Variants in LSAMP observed in about 807,000 individuals in gnomAD.
The protein encoded by LSAMP is limbic system-associated membrane protein.
A neutral mutation model predicts 38.6 loss-of-function variants in LSAMP; 7 were observed. The observed-to-expected ratio is 0.18, with a 90% CI of 0.10 to 0.34. The LOEUF is 0.34. LSAMP is among the 10% of genes least tolerant of loss of function. The pLI is 1.00. For missense variants in LSAMP, 313 were observed against 420.0 expected, an observed-to-expected ratio of 0.75 and a Z score of 2.23; for synonymous variants, 154 against 166.8, an observed-to-expected ratio of 0.92 and a Z score of 0.59.
intron 2 of LSAMP, among the ~76,000 whole-genome samples, chr3:116,081,958 A>G (rs1369295478): frequency 1.3e-5 from 2 of 152,162 alleles, no homozygotes; most frequent in Non-Finnish European, 2.9e-5. Flanking sequence ...AAAAATGACC[A>G]CTCTATTATT....
intron 1 of LSAMP, among the ~76,000 whole-genome samples, chr3:116,104,868 G>T (rs936927259): frequency 6.6e-6 from 1 of 152,188 alleles, no homozygotes; most frequent in Admixed American, 6.5e-5. Flanking sequence ...AGTTAATAAG[G>T]ATATATTGTA....
chr3:115,947,325 A>C (rs1938131323), intron 3 of LSAMP, among the ~76,000 whole-genome samples: 1 of 152,216 alleles, frequency 6.6e-6, no homozygotes, highest in African/African-American at 2.4e-5. Flanking sequence ...AGTGAAAATT[A>C]GGAGAATTAT....
intron 1 of LSAMP, among the ~76,000 whole-genome samples, chr3:116,170,653 G>A (rs1474502895): frequency 6.6e-6 from 1 of 152,074 alleles, no homozygotes; most frequent in Non-Finnish European, 1.5e-5. Context: ...AACGATTTTA[G>A]GTTGGAAGGT....
At chr3:115,898,361 T>C (rs1179954242) in intron 3 of LSAMP, among the ~76,000 whole-genome samples, 2 of 152,142 alleles carry the variant, frequency 1.3e-5, no homozygotes, top group Non-Finnish European at 2.9e-5. Flanking sequence ...AGAACTGTTT[T>C]ACAGAGTGTT....
At chr3:115,927,243 G>A (rs1159800275) in intron 3 of LSAMP, among the ~76,000 whole-genome samples, 2 of 152,180 alleles carry the variant, frequency 1.3e-5, no homozygotes, top group Non-Finnish European at 2.9e-5. Flanking sequence ...GAAAAAAGAA[G>A]ATGAGGAGAG....
At chr3:116,089,360 GT>G (rs1269236281) in intron 1 of LSAMP, among the ~76,000 whole-genome samples, 2 of 151,438 alleles carry the variant, frequency 1.3e-5, no homozygotes, top group African/African-American at 4.9e-5. Context: ...ACTTTTTTTT[GT>G]TTTGTTTTGT....
intron 2 of LSAMP, among the ~76,000 whole-genome samples, chr3:116,071,334 G>C (rs1179464718): frequency 6.8e-6 from 1 of 147,266 alleles, no homozygotes; most frequent in Non-Finnish European, 1.5e-5. Context: ...TAATCATGAG[G>C]GTTTTTTTTT....
intron 1 of LSAMP, among the ~76,000 whole-genome samples, chr3:116,299,177 G>C (rs1167313876): frequency 1.3e-5 from 2 of 152,224 alleles, no homozygotes; most frequent in African/African-American, 2.4e-5. Flanking sequence ...CCTTGAACTG[G>C]GGAATTGGGA....
In LSAMP at chr3:116,077,577, T is replaced by C. The variant is rs1707773211; in HGVS notation, c.388+8747A>G. Reference sequence around the variant, plus strand: ...ATTCACAGGTTTTAATCTTAATATCTGCCTTAAGTATTATTGCCTTCAGTA... The same window carrying C: ...ATTCACAGGTTTTAATCTTAATATCCGCCTTAAGTATTATTGCCTTCAGTA... On this transcript the variant is annotated intron_variant, in intron 2 of 6. Coordinates refer to ENST00000490035, the MANE Select transcript of LSAMP (RefSeq NM_002338.5). Among the ~76,000 whole-genome samples the C allele has an allele frequency of 2.0e-5, 3 of 152,194 alleles. No homozygotes were observed. In the South Asian group the frequency reaches 6.2e-4, roughly 31 times the overall value.
chr3:115,988,806 C>A (rs1939585375), intron 3 of LSAMP, among the ~76,000 whole-genome samples: 1 of 152,044 alleles, frequency 6.6e-6, no homozygotes, highest in Non-Finnish European at 1.5e-5. Context: ...GTTGAGATAA[C>A]AATAAAAGTG....
rs538753691 is a variant in LSAMP, at chr3:115,821,130, C to G, written c.920-10716G>C. On this transcript the variant is annotated intron_variant, in intron 6 of 6. Transcript: ENST00000490035. ...GATTTTTTTCTCTTTCTCTGTCTCTCTCTCTCCCCCTCCCTCCATCCACAT... is the reference window on the plus strand; with the variant it reads ...GATTTTTTTCTCTTTCTCTGTCTCTGTCTCTCCCCCTCCCTCCATCCACAT... Among the ~76,000 whole-genome samples the G allele has an allele frequency of 5.3e-5, 8 of 152,300 alleles. No homozygotes were observed. The Middle Eastern group carries it at 0.014, about 259-fold the overall frequency.
At chr3:115,927,884 C>T (rs1362619303) in intron 3 of LSAMP, among the ~76,000 whole-genome samples, 1 of 152,206 alleles carries the variant, frequency 6.6e-6, no homozygotes, top group African/African-American at 2.4e-5. Context: ...AGCCACATAC[C>T]TCGAGACCAT....
intron 2 of LSAMP, among the ~76,000 whole-genome samples, chr3:116,074,844 CTT>C (rs1161460100): frequency 1.2e-4 from 16 of 128,386 alleles, no homozygotes; most frequent in African/African-American, 2.5e-4. Context: ...TTTCTTTATT[CTT>C]TTTTTTTTTT....
chr3:115,943,317 C>T (rs1937991115), intron 3 of LSAMP, among the ~76,000 whole-genome samples: 1 of 152,086 alleles, frequency 6.6e-6, no homozygotes, highest in South Asian at 2.1e-4. Context: ...ATACTTTATC[C>T]AGTTTGGCTC....
intron 2 of LSAMP, among the ~76,000 whole-genome samples, chr3:116,045,449 T>G (rs150966467): frequency 9.0e-4 from 136 of 151,756 alleles, no homozygotes; most frequent in African/African-American, 3.1e-3. Flanking sequence ...ACTGTCATAT[T>G]TTGGAGAGTC....
chr3:116,353,119 G>T (rs1444102762), intron 1 of LSAMP, among the ~76,000 whole-genome samples: 1 of 152,182 alleles, frequency 6.6e-6, no homozygotes, highest in South Asian at 2.1e-4. Context: ...TGGATAATCA[G>T]GGTGGTATGC....
intron 1 of LSAMP, among the ~76,000 whole-genome samples, chr3:116,291,792 CAG>C (rs574288408): frequency 5.2e-4 from 79 of 152,268 alleles, no homozygotes; most frequent in Non-Finnish European, 1.0e-3. Context: ...ATTTGTAAAA[CAG>C]ACACATCCAT....
At chr3:116,264,181 T>C (rs933614104) in intron 1 of LSAMP, among the ~76,000 whole-genome samples, 1 of 152,192 alleles carries the variant, frequency 6.6e-6, no homozygotes, top group Non-Finnish European at 1.5e-5. Context: ...CAGTATGTTC[T>C]GGTATCTCCC....
chr3:115,810,751 C>T (rs1933799603), intron 6 of LSAMP, among the ~76,000 whole-genome samples: 1 of 152,154 alleles, frequency 6.6e-6, no homozygotes, highest in Non-Finnish European at 1.5e-5. Context: ...CCCGAAGTAA[C>T]TCTCTGGGGC....
Sources: gnomAD v4.1 joint callset for allele counts (sites outside exome capture counted in the v4.1 genomes callset) on GRCh38, gnomAD v4.1.1 for gene constraint, MANE v1.5 for transcripts, NCBI Gene and HGNC (gene_info 2026-07-23, HGNC 2026-07-21) for gene names.